CEP85L: variants seen among roughly 807,000 people sequenced by gnomAD.
The protein encoded by CEP85L is centrosomal protein of 85 kDa-like.
A neutral mutation model predicts 100.3 loss-of-function variants in CEP85L; 60 were observed. The ratio of observed to expected loss-of-function variants is 0.60; its 90% CI spans 0.49 to 0.74. The LOEUF (loss-of-function observed/expected upper bound fraction) is 0.74. Ranked by LOEUF, CEP85L falls within the 30% of genes least tolerant of loss-of-function variation. The pLI is 0.00. For synonymous variants in CEP85L, 319 were observed against 322.7 expected, an observed-to-expected ratio of 0.99 and a Z score of 0.12; for missense variants, 973 against 936.2, an observed-to-expected ratio of 1.04 and a Z score of -0.51.
chr6:118,624,585 G>A (rs540859533), intron 2 of CEP85L, among the ~76,000 whole-genome samples: 201 of 152,116 alleles, frequency 1.3e-3, no homozygotes, highest in Non-Finnish European at 2.2e-3. Context: ...AGTCTACTTC[G>A]AAAGGATATT....
intron 2 of CEP85L, among the ~76,000 whole-genome samples, chr6:118,566,826 C>T (rs1779537841): frequency 6.6e-6 from 1 of 152,106 alleles, no homozygotes; most frequent in Non-Finnish European, 1.5e-5. Flanking sequence ...AATATGGATA[C>T]CTAATAGAGT....
chr6:118,565,402 C>T, intron 3 of CEP85L, 127 bp downstream of exon 3: 1 of 895,046 alleles, frequency 1.1e-6, no homozygotes. Flanking sequence ...ACATTTCTGC[C>T]TATTAACTTG....
intron 6 of CEP85L, among the ~76,000 whole-genome samples, chr6:118,487,028 AAAT>A (rs1180896892): frequency 2.0e-5 from 3 of 152,184 alleles, no homozygotes; most frequent in South Asian, 2.1e-4. Context: ...GAAATATAAA[AAAT>A]AATGATTATA....
intron 2 of CEP85L, among the ~76,000 whole-genome samples, chr6:118,575,295 C>CTTTTT (rs1482993250): frequency 3.5e-4 from 53 of 152,100 alleles, no homozygotes; most frequent in Non-Finnish European, 6.8e-4. Context: ...AAAGAAGCAA[C>CTTTTT]AAATAATAAA....
intron 2 of CEP85L, among the ~76,000 whole-genome samples, chr6:118,567,537 A>G (rs1779625925): frequency 6.6e-6 from 1 of 152,224 alleles, no homozygotes; most frequent in Admixed American, 6.5e-5. Flanking sequence ...CATCATATAT[A>G]TCAAATTAAA....
At chr6:118,693,978 T>A (rs1777125894) in intron 1 of CEP85L, among the ~76,000 whole-genome samples, 1 of 152,028 alleles carries the variant, frequency 6.6e-6, no homozygotes, top group Non-Finnish European at 1.5e-5. Flanking sequence ...GGGTGAATGG[T>A]GAGGTGTGAC....
intron 2 of CEP85L, among the ~76,000 whole-genome samples, chr6:118,586,067 CA>C (rs1780842214): frequency 6.6e-6 from 1 of 152,136 alleles, no homozygotes; most frequent in Admixed American, 6.5e-5. Flanking sequence ...AGCTGTCACA[CA>C]AGGGATCTCA....
intron 1 of CEP85L, among the ~76,000 whole-genome samples, chr6:118,696,414 C>CCTCCCTG (rs201220693): frequency 0.034 from 5,176 of 152,316 alleles, 157 homozygotes; most frequent in Non-Finnish European, 0.056. Flanking sequence ...CTCCCTGTGG[C>CCTCCCTG]TGAATGTCCT....
upstream of CEP85L, chr6:118,651,709 ACTGCGGGGGGCGGG>A: frequency 2.4e-6 from 1 of 417,460 alleles, no homozygotes; most frequent in Non-Finnish European, 2.8e-6. Context: ...GGGGGCGGGG[ACTGCGGGGGGCGGG>A]TGAGCTACCC....
chr6:118,564,365 T>C lies in CEP85L; in HGVS notation c.1020+1164A>G, dbSNP rs145105291. On this transcript the variant is annotated intron_variant, in intron 3 of 12. Transcript: ENST00000368491. ...TCTGTTTTCCTATAATGACAAACAT[T>C]TGAAAACTAAAACTTGACAGTATTT... 3.7e-3 allele frequency among the ~76,000 whole-genome samples: 565 copies of C among 152,338 alleles called. 3 individuals are homozygous for C. The highest frequency in any genetic ancestry group is 0.013 in the African/African-American group (539 of 41,584).
intron 1 of CEP85L, among the ~76,000 whole-genome samples, chr6:118,685,134 G>C (rs1046542469): frequency 2.6e-5 from 4 of 152,152 alleles, no homozygotes; most frequent in African/African-American, 9.7e-5. Context: ...GGGAAATTTA[G>C]CTTTACTTAG....
intron 5 of CEP85L, among the ~76,000 whole-genome samples, chr6:118,503,282 G>C (rs1404990330): frequency 6.6e-6 from 1 of 152,140 alleles, no homozygotes; most frequent in Admixed American, 6.6e-5. Context: ...TTCTAAAAAT[G>C]TTCTAAGAAG....
intron 8 of CEP85L, among the ~76,000 whole-genome samples, chr6:118,481,029 G>T (rs1468687718): frequency 6.6e-6 from 1 of 151,028 alleles, no homozygotes; most frequent in Non-Finnish European, 1.5e-5. Flanking sequence ...TTTATTTTAG[G>T]TTTGGGGGTA....
chr6:118,504,699 G>T (rs904067904), intron 5 of CEP85L, among the ~76,000 whole-genome samples: 5 of 152,214 alleles, frequency 3.3e-5, no homozygotes, highest in African/African-American at 1.2e-4. Flanking sequence ...TAGCCAGTTG[G>T]TAAGAAGCAT....
At chr6:118,498,851 GACA>G (rs1775094645) in intron 5 of CEP85L, among the ~76,000 whole-genome samples, 1 of 152,064 alleles carries the variant, frequency 6.6e-6, no homozygotes, top group African/African-American at 2.4e-5. Flanking sequence ...CACCAAAGCG[GACA>G]ACATTTTGGG....
chr6:118,516,850 G>C (rs953288158), intron 4 of CEP85L, among the ~76,000 whole-genome samples: 1 of 152,072 alleles, frequency 6.6e-6, no homozygotes, highest in Admixed American at 6.5e-5. Context: ...GTACTGCCTA[G>C]GTTTTCTTCT....
intron 7 of CEP85L, among the ~76,000 whole-genome samples, chr6:118,482,922 AC>A (rs1335122306): frequency 1.3e-5 from 2 of 152,112 alleles, no homozygotes; most frequent in African/African-American, 4.8e-5. Flanking sequence ...GGGTAACTTT[AC>A]CCCCAGAAGA....
chr6:118,607,370 C>T (rs1284811533), intron 2 of CEP85L, among the ~76,000 whole-genome samples: 1 of 152,122 alleles, frequency 6.6e-6, no homozygotes, highest in Non-Finnish European at 1.5e-5. Flanking sequence ...ATTGCAGCAA[C>T]ACTGAAAAGT....
At chr6:118,631,088 T>C (rs1371342110) in intron 2 of CEP85L, among the ~76,000 whole-genome samples, 1 of 152,198 alleles carries the variant, frequency 6.6e-6, no homozygotes, top group Non-Finnish European at 1.5e-5. Flanking sequence ...AGTGTGTCCA[T>C]GTAGTTTTAT....
Sources: gnomAD v4.1 joint callset for allele counts (sites outside exome capture counted in the v4.1 genomes callset) on GRCh38, gnomAD v4.1.1 for gene constraint, MANE v1.5 for transcripts, NCBI Gene and HGNC (gene_info 2026-07-23, HGNC 2026-07-21) for gene names.